The following PLXNC1 variants were observed in gnomAD, a reference collection of about 807,000 sequenced individuals.
PLXNC1 encodes plexin-C1.
A neutral mutation model predicts 178.2 loss-of-function variants in PLXNC1; 75 were observed. That is an observed-to-expected ratio of 0.42 (90% CI 0.35 to 0.51). PLXNC1 has a LOEUF of 0.51. Among genes scored for constraint, PLXNC1 ranks in the 20% least tolerant of loss-of-function variants. The probability of loss-of-function intolerance (pLI) is 0.02; values close to 1 mark genes in which losing one functional copy is unlikely to be tolerated. For missense variants in PLXNC1, 1,503 were observed against 1,984.4 expected (o/e 0.76, Z 4.61); for synonymous variants, 790 against 779.9 (o/e 1.01, Z -0.22).
Position 94,268,588 on chromosome 12 carries a change from CTTTTTTTTTTTTT to C in PLXNC1, c.3597+3375_3597+3387del, listed in dbSNP as rs61265662. Among the ~76,000 whole-genome samples, 382 of 90,894 alleles carry C rather than the reference CTTTTTTTTTTTTT, an allele frequency of 4.2e-3. 1 individual carries two copies. Among genetic ancestry groups the C allele is most frequent in the Non-Finnish European group, 5.6e-3 (281 of 50,064 alleles). The allele number at this position is 90,894 out of a possible 152,430, so 59.6% of individuals were successfully genotyped here. A position where few individuals can be genotyped will look rare whatever the true frequency, so the allele number is the denominator to read the frequency against. On this transcript the variant is annotated intron_variant, in intron 21 of 30. Transcript: ENST00000258526. Reference sequence around the variant, plus strand: ...TCAGACAGCTGGAAGAGAATAAGACCTTTTTTTTTTTTTTTTTTTTTTTTAATTTAAGGAATAC... The same window carrying C: ...TCAGACAGCTGGAAGAGAATAAGACCTTTTTTTTTTTAATTTAAGGAATAC...
chr12:94,234,684 A>T, intron 9 of PLXNC1, among the ~76,000 whole-genome samples: 1 of 152,254 alleles, frequency 6.6e-6, no homozygotes, highest in East Asian at 1.9e-4. Context: ...GAGGAATCCC[A>T]CGATAGGGCT....
In PLXNC1 at chr12:94,307,600, C is replaced by G. The variant is rs887911660; in HGVS notation, c.*2315C>G. ...TTTAAAGTCTATTTCTTATTGTATA[C>G]CTGATTGAAGCTGTTCTTGGAGATG... On this transcript the variant is annotated 3_prime_UTR_variant, in exon 31 of 31. Coordinates refer to ENST00000258526, the MANE Select transcript of PLXNC1 (RefSeq NM_005761.3). 6.6e-6 allele frequency: 1 copy of G among 151,674 alleles called. No individual in the cohort carries two copies. The highest frequency in any genetic ancestry group is 1.5e-5 in the Non-Finnish European group (1 of 67,958). The allele number at this position is 151,674 out of a possible 1,614,324, so 9.4% of individuals were successfully genotyped here. A position where few individuals can be genotyped will look rare whatever the true frequency, so the allele number is the denominator to read the frequency against.
Position 94,251,849 on chromosome 12 carries a change from G to A in PLXNC1, c.2881+321G>A, listed in dbSNP as rs553081978. Among the ~76,000 whole-genome samples, 10 of 152,164 alleles carry A rather than the reference G, an allele frequency of 6.6e-5. No individual in the cohort carries two copies. In the East Asian group the frequency reaches 1.4e-3, roughly 21 times the overall value. Reference sequence around the variant, plus strand: ...TCTACTAAAAATACAAAAATTAGCCGGGCGTGATGGCAGGTGCCTGTAATC... The same window carrying A: ...TCTACTAAAAATACAAAAATTAGCCAGGCGTGATGGCAGGTGCCTGTAATC... On this transcript the variant is annotated intron_variant, in intron 15 of 30. Coordinates refer to ENST00000258526, the MANE Select transcript of PLXNC1 (RefSeq NM_005761.3).
At chr12:94,235,148 C>T (rs1410346786) in intron 9 of PLXNC1, among the ~76,000 whole-genome samples, 3 of 152,104 alleles carry the variant, frequency 2.0e-5, no homozygotes, top group Non-Finnish European at 4.4e-5. Flanking sequence ...TTTCACAAGA[C>T]AGGCCAGGGC....
Position 94,260,957 on chromosome 12 carries a change from C to A in PLXNC1, c.3450+117C>A. The A allele has an allele frequency of 1.2e-6, 1 of 868,126 alleles. No homozygotes were observed. Among genetic ancestry groups the A allele is most frequent in the Non-Finnish European group, 1.9e-6 (1 of 537,782 alleles). The allele number at this position is 868,126 out of a possible 1,614,324, so 53.8% of individuals were successfully genotyped here. ...ATGCTCGATGGTGTCAGCACTTAAC[C>A]ATGTTTCGTCTTGGTCCTGACCCAG... On this transcript the variant is annotated intron_variant, in intron 20 of 30. Transcript: ENST00000258526. This position sits in a 1 kb window ranked among gnomAD's most constrained non-coding sequence, Gnocchi z 4.4.
intron 21 of PLXNC1, among the ~76,000 whole-genome samples, chr12:94,268,454 A>G (rs1424036265): frequency 6.6e-6 from 1 of 152,166 alleles, no homozygotes; most frequent in Non-Finnish European, 1.5e-5. Flanking sequence ...TAATGAGGCA[A>G]CAGTGAGACA....
chr12:94,204,301 G>A (rs1963230839), intron 4 of PLXNC1, among the ~76,000 whole-genome samples: 1 of 152,186 alleles, frequency 6.6e-6, no homozygotes, highest in South Asian at 2.1e-4. Flanking sequence ...AAAGCAATAT[G>A]GAACCAGCTA....
intron 10 of PLXNC1, among the ~76,000 whole-genome samples, chr12:94,238,573 T>C (rs914986668): frequency 1.3e-5 from 2 of 152,172 alleles, no homozygotes; most frequent in East Asian, 1.9e-4. Flanking sequence ...TCATATAAGT[T>C]TGGGCTAATT....
intron 21 of PLXNC1, among the ~76,000 whole-genome samples, chr12:94,266,981 ATC>A (rs1204767899): frequency 6.6e-6 from 1 of 152,226 alleles, no homozygotes; most frequent in Non-Finnish European, 1.5e-5. Flanking sequence ...CCTTCCAGAT[ATC>A]TCTGATGTGT....
Position 94,174,429 on chromosome 12 carries a change from C to T in PLXNC1, c.1203+5136C>T, listed in dbSNP as rs539310454. 7.2e-5 allele frequency among the ~76,000 whole-genome samples: 11 copies of T among 152,204 alleles called. No homozygotes were observed. The South Asian group carries it at 2.1e-3, about 29-fold the overall frequency. Reference sequence around the variant, plus strand: ...CTAGGCTCAAGAGATCCTCCCACCTCGGCCTTCCAAAGAGCTGGGATTACA... The same window carrying T: ...CTAGGCTCAAGAGATCCTCCCACCTTGGCCTTCCAAAGAGCTGGGATTACA... On this transcript the variant is annotated intron_variant, in intron 2 of 30. Transcript: ENST00000258526.
chr12:94,260,425 G>C lies in PLXNC1; in HGVS notation c.3252-217G>C, dbSNP rs1001002369. On this transcript the variant is annotated intron_variant, in intron 19 of 30. Coordinates refer to ENST00000258526, the MANE Select transcript of PLXNC1 (RefSeq NM_005761.3). The surrounding 1 kb of genome is among the most constrained non-coding windows in gnomAD (Gnocchi z 4.4). Reference sequence around the variant, plus strand: ...TTTAAAACATCCCGAAACTTTGGAAGACTCACATCTTGTTACCACTCTAGT... The same window carrying C: ...TTTAAAACATCCCGAAACTTTGGAACACTCACATCTTGTTACCACTCTAGT... 6.6e-6 allele frequency among the ~76,000 whole-genome samples: 1 copy of C among 150,782 alleles called. No homozygotes were observed. Among genetic ancestry groups the C allele is most frequent in the Non-Finnish European group, 1.5e-5 (1 of 67,882 alleles).
chr12:94,163,747 CT>C (rs2135932713), intron 1 of PLXNC1, among the ~76,000 whole-genome samples: 1 of 152,268 alleles, frequency 6.6e-6, no homozygotes, highest in South Asian at 2.1e-4. Context: ...TGAACCTCTC[CT>C]TTTGGTCATT....
chr12:94,279,699 CCCTG>C, intron 22 of PLXNC1, 50 bp downstream of exon 22: 1 of 1,497,644 alleles, frequency 6.7e-7, no homozygotes, highest in Non-Finnish European at 9.3e-7. Flanking sequence ...GAGTGTCCCT[CCCTG>C]CCTGCCCTCC....
chr12:94,293,243 G>C (rs554862009), intron 23 of PLXNC1, among the ~76,000 whole-genome samples: 1 of 152,310 alleles, frequency 6.6e-6, no homozygotes, highest in African/African-American at 2.4e-5. Flanking sequence ...ATGGATGTTT[G>C]AGTTGTTTCC....
intron 30 of PLXNC1, among the ~76,000 whole-genome samples, chr12:94,304,611 G>A (rs1263075237): frequency 3.9e-5 from 6 of 151,956 alleles, no homozygotes; most frequent in Non-Finnish European, 8.8e-5. Context: ...CAATCATGCT[G>A]GGACAGGCTA....
At chr12:94,245,420 A>G (rs1964500998) in intron 12 of PLXNC1, among the ~76,000 whole-genome samples, 1 of 152,164 alleles carries the variant, frequency 6.6e-6, no homozygotes, top group Non-Finnish European at 1.5e-5. Flanking sequence ...GTGGCTCACG[A>G]TTATAATCCC....
chr12:94,275,341 G>A (rs1032270474), intron 21 of PLXNC1, among the ~76,000 whole-genome samples: 1 of 152,232 alleles, frequency 6.6e-6, no homozygotes, highest in Admixed American at 6.5e-5. Context: ...AATGGGCTTT[G>A]GTGGGAGTGT....
chr12:94,212,489 CGGCAGGCCCCGGTGTGTGATGTTCCCCG>C (rs1963509675), intron 5 of PLXNC1, among the ~76,000 whole-genome samples: 9 of 139,466 alleles, frequency 6.5e-5, no homozygotes, highest in African/African-American at 1.3e-4. Flanking sequence ...CCCCACCCCC[CGGCAGGCCCCGGTGTGTGATGTTCCCCG>C]CCCTGTGACC....
chr12:94,224,105 A>G, intron 6 of PLXNC1, 123 bp from the exon 7 acceptor site: 1 of 697,648 alleles, frequency 1.4e-6, no homozygotes, highest in Non-Finnish European at 2.6e-6. Context: ...GTTAGCAAAC[A>G]GCTGGCACGC....
Sources: allele counts gnomAD v4.1 joint callset (sites outside exome capture counted in the v4.1 genomes callset), GRCh38; gene constraint gnomAD v4.1.1; non-coding constraint Gnocchi (gnomAD v3.1); transcripts MANE v1.5; gene names NCBI Gene and HGNC (gene_info 2026-07-23, HGNC 2026-07-21).